The following COL23A1 variants were observed in gnomAD, a reference collection of about 807,000 sequenced individuals.
The protein encoded by COL23A1 is collagen alpha-1(XXIII) chain.
Under a neutral mutation model 99.3 loss-of-function variants are expected in COL23A1, and 97 were observed. The ratio of observed to expected loss-of-function variants is 0.98; its 90% CI spans 0.83 to 1.16. The LOEUF is 1.16. COL23A1 is among the 50% of genes most tolerant of loss of function. The pLI is 0.00. For missense variants in COL23A1, 762 were observed against 757.4 expected (o/e 1.01, Z -0.07); for synonymous variants, 320 against 308.2 (o/e 1.04, Z -0.40).
intron 2 of COL23A1, among the ~76,000 whole-genome samples, chr5:178,460,945 GC>G (rs1460810054): frequency 9.2e-5 from 14 of 152,072 alleles, no homozygotes; most frequent in African/African-American, 3.4e-4. Flanking sequence ...CTCAGCTCAT[GC>G]CCCCATTTTT....
intron 2 of COL23A1, among the ~76,000 whole-genome samples, chr5:178,394,092 C>G (rs1764104790): frequency 6.6e-6 from 1 of 152,176 alleles, no homozygotes; most frequent in Admixed American, 6.5e-5. Flanking sequence ...AGCGAAAGAC[C>G]TGGGAGGGCA....
chr5:178,344,801 T>A (rs1439214407), intron 2 of COL23A1: 1 of 582,738 alleles, frequency 1.7e-6, no homozygotes, highest in Non-Finnish European at 3.1e-6. Flanking sequence ...AATTTCTCTT[T>A]GTTAAGATCA....
intron 18 of COL23A1, among the ~76,000 whole-genome samples, chr5:178,249,454 G>A (rs1764894614): frequency 6.6e-6 from 1 of 152,224 alleles, no homozygotes; most frequent in African/African-American, 2.4e-5. Flanking sequence ...GGTGGATCAT[G>A]TGAGCCTGGA....
chr5:178,269,882 C>G (rs1028999749), intron 6 of COL23A1, among the ~76,000 whole-genome samples: 2 of 152,304 alleles, frequency 1.3e-5, no homozygotes, highest in African/African-American at 4.8e-5. Flanking sequence ...TTTAATTGTG[C>G]TTATGTCTCC....
chr5:178,562,975 G>C (rs1436550496), intron 1 of COL23A1, among the ~76,000 whole-genome samples: 1 of 152,150 alleles, frequency 6.6e-6, no homozygotes, highest in Non-Finnish European at 1.5e-5. Context: ...GCACTGATTG[G>C]TGCATTTTAC....
Position 178,297,846 on chromosome 5 carries a change from C to T in COL23A1, c.407-7477G>A, listed in dbSNP as rs563770740. Among the ~76,000 whole-genome samples, 9 of 152,240 alleles carry T rather than the reference C, an allele frequency of 5.9e-5. 1 individual carries two copies. Among genetic ancestry groups the T allele is most frequent in the South Asian group, 2.1e-4 (1 of 4,814 alleles). On this transcript the variant is annotated intron_variant, in intron 3 of 28. Coordinates refer to ENST00000390654, the MANE Select transcript of COL23A1 (RefSeq NM_173465.4). Reference sequence around the variant, plus strand: ...GAGCACCTGGAGGCCGTCACATCTTCGGAGCCCTCTGCACTTGACTTCTTG... The same window carrying T: ...GAGCACCTGGAGGCCGTCACATCTTTGGAGCCCTCTGCACTTGACTTCTTG...
chr5:178,288,371 T>C, intron 4 of COL23A1, 21 bp from the exon 5 acceptor site: 1 of 1,608,036 alleles, frequency 6.2e-7, no homozygotes, highest in South Asian at 1.1e-5. Context: ...TAATATGTCA[T>C]TAATAATCAG....
chr5:178,244,191 G>A (rs1360736403), intron 25 of COL23A1, among the ~76,000 whole-genome samples: 3 of 149,352 alleles, frequency 2.0e-5, no homozygotes, highest in South Asian at 2.1e-4. Flanking sequence ...GGGTTTCACC[G>A]TGTTAGCCAG....
At chr5:178,443,377 C>G (rs1446950602) in intron 2 of COL23A1, among the ~76,000 whole-genome samples, 1 of 152,222 alleles carries the variant, frequency 6.6e-6, no homozygotes, top group Non-Finnish European at 1.5e-5. Flanking sequence ...CCTCTTTGTT[C>G]AGATTCTGGC....
At position 178,575,738 on chromosome 5, in the gene COL23A1, A is replaced by G. The variant is rs558225218; in HGVS notation, c.294+14166T>C. 5.3e-5 allele frequency among the ~76,000 whole-genome samples: 8 copies of G among 152,326 alleles called. No homozygotes were observed. In the South Asian group the frequency reaches 1.7e-3, roughly 32 times the overall value. On this transcript the variant is annotated intron_variant, in intron 1 of 28. Coordinates refer to ENST00000390654, the MANE Select transcript of COL23A1 (RefSeq NM_173465.4). The stretch of plus-strand genomic sequence containing the variant: ...TGTGAGAGCAGAAACAGAACGCAGG[A>G]CAGTTCCTGGGAAAGGCAAGAAGAG...
chr5:178,441,480 G>A (rs73336680), intron 2 of COL23A1, among the ~76,000 whole-genome samples: 4,196 of 152,150 alleles, frequency 0.028, 195 homozygotes, highest in African/African-American at 0.095. Context: ...GAGGGCAACT[G>A]CAGAGCCGGA....
chr5:178,371,899 A>G (rs568607262), intron 2 of COL23A1, among the ~76,000 whole-genome samples: 1 of 152,356 alleles, frequency 6.6e-6, no homozygotes, highest in Admixed American at 6.5e-5. Flanking sequence ...AGCTTGAACT[A>G]CAGCTCTGAA....
intron 2 of COL23A1, among the ~76,000 whole-genome samples, chr5:178,485,374 C>A (rs1757565843): frequency 6.6e-6 from 1 of 151,886 alleles, no homozygotes; most frequent in Non-Finnish European, 1.5e-5. Flanking sequence ...ACTTGGCAGG[C>A]TGAGGTGGGA....
chr5:178,388,651 G>A (rs1457898475), intron 2 of COL23A1, among the ~76,000 whole-genome samples: 2 of 152,126 alleles, frequency 1.3e-5, no homozygotes, highest in African/African-American at 2.4e-5. Context: ...ATCCAGGAGC[G>A]GTGGAGATGG....
intron 2 of COL23A1, among the ~76,000 whole-genome samples, chr5:178,327,557 C>T (rs1759758344): frequency 6.6e-6 from 1 of 152,164 alleles, no homozygotes; most frequent in African/African-American, 2.4e-5. Flanking sequence ...CTTAGTGATT[C>T]CTACAGCAGT....
chr5:178,249,716 A>ACACACACTCACTCTCTCTCTCTCT, intron 18 of COL23A1, among the ~76,000 whole-genome samples: 300 of 92,748 alleles, frequency 3.2e-3, no homozygotes, highest in Non-Finnish European at 5.3e-3. Context: ...ACACACACAC[A>ACACACACTCACTCTCTCTCTCTCT]CTCTCTCTCT....
intron 2 of COL23A1, among the ~76,000 whole-genome samples, chr5:178,484,100 AT>A (rs1186630196): frequency 1.3e-5 from 2 of 151,820 alleles, no homozygotes; most frequent in Non-Finnish European, 2.9e-5. Context: ...TAATTTTTGT[AT>A]TTTTAGTAGA....
Position 178,308,205 on chromosome 5 carries a change from CAG to C in COL23A1, c.362-1288_362-1287del, listed in dbSNP as rs1484384634. On this transcript the variant is annotated intron_variant, in intron 2 of 28. Coordinates refer to ENST00000390654, the MANE Select transcript of COL23A1 (RefSeq NM_173465.4). This position sits in a 1 kb window ranked among gnomAD's most constrained non-coding sequence, Gnocchi z 5.1. ...GGAGGGAGGGCCAGTCTCTGAGAAA[CAG>C]CGAGAGAGAAGAGATCCCTTCAGGT... 6.6e-6 allele frequency among the ~76,000 whole-genome samples: 1 copy of C among 151,974 alleles called. No homozygotes were observed. Among genetic ancestry groups the C allele is most frequent in the African/African-American group, 2.4e-5 (1 of 41,362 alleles).
At chr5:178,494,325 G>C (rs923187754) in intron 2 of COL23A1, among the ~76,000 whole-genome samples, 1 of 152,232 alleles carries the variant, frequency 6.6e-6, no homozygotes, top group African/African-American at 2.4e-5. Flanking sequence ...GGGAAGGTGA[G>C]CAGAGACTGG....
Sources: gnomAD v4.1 joint callset for allele counts (sites outside exome capture counted in the v4.1 genomes callset) on GRCh38, gnomAD v4.1.1 for gene constraint, Gnocchi (gnomAD v3.1) non-coding constraint, MANE v1.5 for transcripts, NCBI Gene and HGNC (gene_info 2026-07-23, HGNC 2026-07-21) for gene names.